The following ACSBG2 variants were observed in gnomAD, a reference collection of about 807,000 sequenced individuals.
ACSBG2 encodes long-chain-fatty-acid--CoA ligase ACSBG2.
ACSBG2 carries 62 observed loss-of-function variants against 74.7 expected under a neutral mutation model. The ratio of observed to expected loss-of-function variants is 0.83; its 90% CI spans 0.68 to 1.03. The LOEUF (loss-of-function observed/expected upper bound fraction) is 1.03. ACSBG2 is among the 50% of genes least tolerant of loss of function. The pLI, the probability that ACSBG2 is intolerant of heterozygous loss-of-function variation, is 0.00. For synonymous variants in ACSBG2, 309 were observed against 294.1 expected, an observed-to-expected ratio of 1.05 and a Z score of -0.52; for missense variants, 730 against 817.6, an observed-to-expected ratio of 0.89 and a Z score of 1.31.
intron 8 of ACSBG2, among the ~76,000 whole-genome samples, chr19:6,177,599 G>A (rs2090121898): frequency 6.6e-6 from 1 of 152,156 alleles, no homozygotes; most frequent in South Asian, 2.1e-4. Flanking sequence ...CCGGCACTCT[G>A]GGAGGCCAAG....
chr19:6,150,585 GC>G (rs2089202262), intron 3 of ACSBG2, among the ~76,000 whole-genome samples: 2 of 152,178 alleles, frequency 1.3e-5, no homozygotes, highest in South Asian at 2.1e-4. Context: ...GGTGAAATAA[GC>G]CAGACACAAA....
chr19:6,158,521 A>G (rs967783069), intron 5 of ACSBG2, among the ~76,000 whole-genome samples: 1 of 150,218 alleles, frequency 6.7e-6, no homozygotes, highest in African/African-American at 2.5e-5. Context: ...AATGAGCTGC[A>G]GTTTGCTGTA....
chr19:6,153,388 G>A (rs1296307026), intron 4 of ACSBG2, among the ~76,000 whole-genome samples: 1 of 152,146 alleles, frequency 6.6e-6, no homozygotes, highest in Non-Finnish European at 1.5e-5. Context: ...AAGTAATAAT[G>A]ATGGTGACGA....
In ACSBG2 at chr19:6,151,728, G is replaced by A. The variant is rs754330336; in HGVS notation, c.319G>A (p.Gly107Arg). Residue 107 changes from glycine to arginine, a missense_variant, in exon 4 of 15, where the codon GGA (glycine) becomes AGA (arginine). By Grantham distance (125) the Gly-to-Arg change is moderately radical. Transcript: ENST00000588485. ...LIKLGLERFH[G>R]VGILGFNSAE... ...CCAGCTGGGTTTGGAGCGTTTCCAC[G>A]GAGTTGGTATCCTGGGGTTTAACTC... 1.3e-5 allele frequency: 21 copies of A among 1,601,876 alleles called. No homozygotes were observed. The highest frequency in any genetic ancestry group is 3.5e-5 in the Admixed American group (2 of 57,716).
intron 10 of ACSBG2, among the ~76,000 whole-genome samples, chr19:6,184,533 A>G (rs114057592): frequency 1.8e-3 from 272 of 151,916 alleles, no homozygotes; most frequent in African/African-American, 5.8e-3. Flanking sequence ...CTAACTGTTA[A>G]TCAAAGAGAT....
At chr19:6,153,193 C>A (rs574705346) in intron 4 of ACSBG2, among the ~76,000 whole-genome samples, 1 of 152,210 alleles carries the variant, frequency 6.6e-6, no homozygotes, top group South Asian at 2.1e-4. Context: ...CTGCAGTGAG[C>A]CGAGATCGCG....
rs778087970 is a variant in ACSBG2 at position 6,166,003 on chromosome 19, C to G, written c.726C>G (p.Leu242=). 3.2e-5 allele frequency: 51 copies of G among 1,613,990 alleles called. No homozygotes were observed. Among genetic ancestry groups the G allele is most frequent in the Admixed American group, 6.7e-5 (4 of 60,002 alleles). The part of the protein sequence containing the change: ...GTTGIPKGVM[L]SHDNITWIAG... ...CAGGCATACCCAAGGGAGTGATGCT[C>G]AGTCATGACAACGTACGCCAAAGTC... The change falls in exon 7 of 15, where the codon CTC becomes CTG. Residue 242 remains leucine (L), a synonymous_variant. Transcript: ENST00000588485.
At chr19:6,147,314 C>T in intron 2 of ACSBG2, 132 bp from the exon 3 acceptor site, 4 of 681,362 alleles carry the variant, frequency 5.9e-6, no homozygotes, top group South Asian at 1.9e-5. Context: ...GTGTTGACCA[C>T]ATAACTTCAC....
intron 5 of ACSBG2, among the ~76,000 whole-genome samples, chr19:6,157,103 C>T (rs190956539): frequency 2.6e-4 from 40 of 152,290 alleles, no homozygotes; most frequent in Non-Finnish European, 4.4e-4. Context: ...CCCACCATCA[C>T]GCCTGGCTAA....
chr19:6,177,395 A>G lies in ACSBG2; in HGVS notation c.905A>G (p.Lys302Arg). 6.3e-7 allele frequency: 1 copy of G among 1,591,774 alleles called. No individual in the cohort carries two copies. The highest frequency in any genetic ancestry group is 8.5e-7 in the Non-Finnish European group (1 of 1,169,734). ...TACTTTGCTCAAGCAGATGCTCTCA[A>G]GGTAAGATTGAGTAAGGACCTGGGG... Reference protein sequence around the residue: ...LTYFAQADALKGTLVSTLKEV... With the variant: ...LTYFAQADALRGTLVSTLKEV... Residue 302 changes from lysine to arginine, a missense_variant and splice_region_variant, in exon 8 of 15, where the codon AAG becomes AGG. Coordinates refer to ENST00000588485, the MANE Select transcript of ACSBG2 (RefSeq NM_030924.5).
rs2089249653 is a variant in ACSBG2 at position 6,151,796 on chromosome 19, G to A, written c.386+1G>A. The A allele has an allele frequency of 6.3e-7, 1 of 1,587,942 alleles. No individual in the cohort carries two copies. Among genetic ancestry groups the A allele is most frequent in the Non-Finnish European group, 8.6e-7 (1 of 1,166,464 alleles). ...CTGCTGTTGGTGCCATCCTAGCCGG[G>A]TAAGGTCATTGGCTTGGTTCATGGT... On this transcript the variant is annotated splice_donor_variant, in intron 4 of 14. Coordinates refer to ENST00000588485, the MANE Select transcript of ACSBG2 (RefSeq NM_030924.5). LOFTEE classifies it high-confidence loss of function.
chr19:6,154,455 A>C (rs962227010), intron 4 of ACSBG2, among the ~76,000 whole-genome samples: 2 of 147,548 alleles, frequency 1.4e-5, no homozygotes, highest in Non-Finnish European at 3.0e-5. Context: ...ATATATATAA[A>C]ATATATAATA....
At chr19:6,146,045 G>C (rs2089019415) in intron 2 of ACSBG2, among the ~76,000 whole-genome samples, 1 of 152,080 alleles carries the variant, frequency 6.6e-6, no homozygotes, top group South Asian at 2.1e-4. Context: ...ATAGTCCACT[G>C]CATGTACATT....
chr19:6,182,688 G>A (rs2090292372), intron 8 of ACSBG2, 63 bp from the exon 9 acceptor site: 5 of 1,521,654 alleles, frequency 3.3e-6, no homozygotes, highest in African/African-American at 1.4e-5. Context: ...TGGATCAGGA[G>A]AGATGGACAT....
chr19:6,151,999 G>A (rs1221966066), intron 4 of ACSBG2, among the ~76,000 whole-genome samples: 3 of 152,156 alleles, frequency 2.0e-5, no homozygotes, highest in East Asian at 3.8e-4. Context: ...CAGACCTCTC[G>A]ATTTTCTTCA....
intron 7 of ACSBG2, among the ~76,000 whole-genome samples, chr19:6,169,691 T>G (rs907879866): frequency 1.3e-5 from 2 of 152,246 alleles, no homozygotes; most frequent in African/African-American, 4.8e-5. Flanking sequence ...ATGTTAACAA[T>G]GTTGATTCTT....
At chr19:6,157,964 G>C (rs1299287118) in intron 5 of ACSBG2, among the ~76,000 whole-genome samples, 4 of 151,522 alleles carry the variant, frequency 2.6e-5, no homozygotes, top group East Asian at 1.9e-4. Flanking sequence ...CTGAGTGCTT[G>C]TATGTTTGCT....
At chr19:6,190,433 C>G (rs1461935006) in intron 13 of ACSBG2, 151 bp from the exon 14 acceptor site, 7 of 632,072 alleles carry the variant, frequency 1.1e-5, no homozygotes, top group Non-Finnish European at 1.7e-5. Context: ...CATCCCCATA[C>G]AGATGGCAAA....
At position 6,151,696 on chromosome 19, in the gene ACSBG2, T is replaced by G; in HGVS notation, c.298-11T>G. The G allele has an allele frequency of 6.3e-7, 1 of 1,584,904 alleles. No homozygotes were observed. The highest frequency in any genetic ancestry group is 8.6e-7 in the Non-Finnish European group (1 of 1,164,032). ...TATGTTTTGTTTTTCTGTTTGCTTTTTCCTTCCCAGCTGGGTTTGGAGCGT... is the reference window on the plus strand; with the variant it reads ...TATGTTTTGTTTTTCTGTTTGCTTTGTCCTTCCCAGCTGGGTTTGGAGCGT... On this transcript the variant is annotated splice_polypyrimidine_tract_variant and intron_variant, in intron 3 of 14. Transcript: ENST00000588485.
Sources: allele counts gnomAD v4.1 joint callset (sites outside exome capture counted in the v4.1 genomes callset), GRCh38; gene constraint gnomAD v4.1.1; transcripts MANE v1.5; gene names NCBI Gene and HGNC (gene_info 2026-07-23, HGNC 2026-07-21).